APPL2: variants seen among roughly 807,000 people sequenced by gnomAD.
The protein encoded by APPL2 is adaptor protein, phosphotyrosine interacting with PH domain and leucine zipper 2.
A neutral mutation model predicts 92.7 loss-of-function variants in APPL2; 84 were observed. The observed-to-expected ratio is 0.91, with a 90% CI of 0.76 to 1.09. APPL2 has a LOEUF of 1.09. Among genes scored for constraint, APPL2 ranks in the 50% least tolerant of loss-of-function variants. The pLI is 0.00. For synonymous variants in APPL2, 291 were observed against 291.0 expected (o/e 1.00, Z 0.00); for missense variants, 736 against 824.5 (o/e 0.89, Z 1.31).
chr12:105,222,012 C>G (rs1890139022), intron 2 of APPL2, among the ~76,000 whole-genome samples: 1 of 152,190 alleles, frequency 6.6e-6, no homozygotes, highest in African/African-American at 2.4e-5. Context: ...TCTATACCAA[C>G]TATTTGGCTG....
At chr12:105,176,635 A>G (rs1885569919) in intron 19 of APPL2, among the ~76,000 whole-genome samples, 1 of 152,180 alleles carries the variant, frequency 6.6e-6, no homozygotes, top group African/African-American at 2.4e-5. Flanking sequence ...CGACTAAATA[A>G]TATGTCTTGC....
rs762607854 is a variant in APPL2 at position 105,195,214 on chromosome 12, A to C, written c.1241+47T>G. 3.2e-6 allele frequency: 5 copies of C among 1,563,100 alleles called. No individual in the cohort carries two copies. In the South Asian group the frequency reaches 5.6e-5, roughly 17 times the overall value. The stretch of plus-strand genomic sequence containing the variant: ...AACAACTCATTTCGTATTCCTAATC[A>C]ATAATTTGGCTCCACAAAAGCTAGT... On this transcript the variant is annotated intron_variant, in intron 14 of 20. Transcript: ENST00000258530.
intron 17 of APPL2, among the ~76,000 whole-genome samples, chr12:105,181,248 G>A (rs542529820): frequency 1.3e-5 from 2 of 152,270 alleles, no homozygotes; most frequent in Non-Finnish European, 2.9e-5. Context: ...TTCTGTTTAC[G>A]TGATGGATTA....
intron 17 of APPL2, 55 bp from the exon 18 acceptor site, chr12:105,177,317 T>C (rs1485761715): frequency 7.1e-6 from 11 of 1,548,892 alleles, no homozygotes; most frequent in Non-Finnish European, 9.8e-6. Context: ...TTAATATTCC[T>C]AGAAGAGTTT....
intron 1 of APPL2, among the ~76,000 whole-genome samples, chr12:105,234,542 T>A (rs1891118223): frequency 6.6e-6 from 1 of 152,206 alleles, no homozygotes; most frequent in Non-Finnish European, 1.5e-5. Flanking sequence ...GAGGACAACA[T>A]CAAGAATCAG....
At chr12:105,212,694 C>T (rs1889325007) in intron 4 of APPL2, among the ~76,000 whole-genome samples, 1 of 152,224 alleles carries the variant, frequency 6.6e-6, no homozygotes, top group African/African-American at 2.4e-5. Context: ...GGAAATCACC[C>T]AGCAATCACT....
chr12:105,204,991 G>A (rs1888578998), intron 8 of APPL2, among the ~76,000 whole-genome samples: 1 of 152,232 alleles, frequency 6.6e-6, no homozygotes, highest in African/African-American at 2.4e-5. Context: ...TTCAAGGGCT[G>A]GAGAAGGCAG....
At position 105,236,008 on chromosome 12, in the gene APPL2, G is replaced by A. The variant is rs1482398711; in HGVS notation, c.5C>T (p.Pro2Leu). 3.2e-6 allele frequency: 4 copies of A among 1,249,712 alleles called. No individual in the cohort carries two copies. In the African/African-American group the frequency reaches 6.2e-5, roughly 19 times the overall value. The allele number at this position is 1,249,712 out of a possible 1,614,324, so 77.4% of individuals were successfully genotyped here. A position where few individuals can be genotyped will look rare whatever the true frequency, so the allele number is the denominator to read the frequency against. The part of the protein sequence containing the change: M[P>L]AVDKLLLEEA... ...CTCTAGCAGGAGCTTGTCCACGGCGGGCATGGTGCGGCGCGGCTCAGCCGA... is the reference window on the plus strand; with the variant it reads ...CTCTAGCAGGAGCTTGTCCACGGCGAGCATGGTGCGGCGCGGCTCAGCCGA... Residue 2 changes from proline (P) to leucine (L), a missense_variant, in exon 1 of 21, where the codon CCC (proline) becomes CTC (leucine). Physicochemically the swap from Pro to Leu is moderately conservative, Grantham distance 98. Coordinates refer to ENST00000258530, the MANE Select transcript of APPL2 (RefSeq NM_018171.5).
intron 17 of APPL2, 28 bp downstream of exon 17, chr12:105,188,245 G>C (rs779226550): frequency 8.7e-6 from 14 of 1,610,806 alleles, no homozygotes; most frequent in East Asian, 2.2e-5. Context: ...GAAGCCATAA[G>C]AAAGTCTGAA....
intron 17 of APPL2, among the ~76,000 whole-genome samples, chr12:105,185,417 G>A (rs144168804): frequency 8.5e-5 from 13 of 152,250 alleles, no homozygotes; most frequent in East Asian, 5.8e-4. Flanking sequence ...CCTGGTCTGC[G>A]GGCTGCAAAG....
intron 11 of APPL2, among the ~76,000 whole-genome samples, chr12:105,195,956 G>A (rs1887603780): frequency 6.6e-6 from 1 of 151,718 alleles, no homozygotes; most frequent in Non-Finnish European, 1.5e-5. Context: ...TAGAGAGGCT[G>A]AAGTGGGAGG....
intron 1 of APPL2, among the ~76,000 whole-genome samples, chr12:105,230,178 C>T (rs941232383): frequency 6.6e-6 from 1 of 152,198 alleles, no homozygotes; most frequent in Non-Finnish European, 1.5e-5. Flanking sequence ...GGACATAAAA[C>T]TCAAATAGCA....
At chr12:105,199,820 GTTTT>G (rs900201536) in intron 9 of APPL2, among the ~76,000 whole-genome samples, 43 of 151,714 alleles carry the variant, frequency 2.8e-4, no homozygotes, top group African/African-American at 8.9e-4. Flanking sequence ...TTTTTTTGTT[GTTTT>G]TATTTTTTTT....
At chr12:105,224,205 G>C (rs1386542147) in intron 2 of APPL2, among the ~76,000 whole-genome samples, 1 of 152,174 alleles carries the variant, frequency 6.6e-6, no homozygotes, top group Non-Finnish European at 1.5e-5. Flanking sequence ...CCGACCTTAA[G>C]CTACATATGC....
chr12:105,222,373 A>T (rs796071194), intron 2 of APPL2, among the ~76,000 whole-genome samples: 1 of 152,164 alleles, frequency 6.6e-6, no homozygotes, highest in South Asian at 2.1e-4. Flanking sequence ...AGAAGCTGAG[A>T]TAAACAAGTG....
intron 4 of APPL2, among the ~76,000 whole-genome samples, chr12:105,215,018 C>T (rs1203873913): frequency 2.0e-5 from 3 of 152,182 alleles, no homozygotes; most frequent in Non-Finnish European, 4.4e-5. Flanking sequence ...CTGTACCTTG[C>T]CCTATGTATC....
At position 105,217,101 on chromosome 12, in the gene APPL2, T is replaced by C. The variant is rs528912301; in HGVS notation, c.253A>G (p.Thr85Ala). 78 of 1,611,122 alleles carry C rather than the reference T, an allele frequency of 4.8e-5. 1 individual carries two copies. The Middle Eastern group carries it at 5.0e-4, about 10-fold the overall frequency. The part of the protein sequence containing the change: ...LGKGDEEVIS[T>A]LHYFSKVVDE... Reference sequence around the variant, plus strand: ...ACCACTTTGGAAAAATAGTGGAGTGTTGAAATTACTTCTTCATCACCTTTG... The same window carrying C: ...ACCACTTTGGAAAAATAGTGGAGTGCTGAAATTACTTCTTCATCACCTTTG... Residue 85 changes from threonine (T) to alanine (A), a missense_variant, in exon 4 of 21, where the codon ACA (threonine) becomes GCA (alanine). Transcript: ENST00000258530.
At position 105,174,398 on chromosome 12, in the gene APPL2, G is replaced by A. The variant is rs935240; in HGVS notation, c.1911C>T (p.Asp637=). The A allele has an allele frequency of 0.85, 1,365,142 of 1,613,534 alleles. 579,766 individuals carry two copies. The highest frequency in any genetic ancestry group is 1 in the East Asian group (44,833 of 44,868). Residue 637 remains aspartate (D), a synonymous_variant, in exon 21 of 21, where the codon GAC becomes GAT. Transcript: ENST00000258530. Reference sequence around the variant, plus strand: ...GATCGTTTAACAGTACATATTTTCCGTCATTGGTTAGTGGTATGGACAGCA... The same window carrying A: ...GATCGTTTAACAGTACATATTTTCCATCATTGGTTAGTGGTATGGACAGCA... ...QLMLSIPLTN[D]GKYVLLNDQP...
intron 2 of APPL2, among the ~76,000 whole-genome samples, chr12:105,227,498 C>A (rs985108379): frequency 8.5e-5 from 13 of 152,348 alleles, no homozygotes; most frequent in Non-Finnish European, 1.5e-5. Context: ...CACACACACT[C>A]ATACGCACCC....
Sources: allele counts gnomAD v4.1 joint callset (sites outside exome capture counted in the v4.1 genomes callset), GRCh38; gene constraint gnomAD v4.1.1; transcripts MANE v1.5; gene names NCBI Gene and HGNC (gene_info 2026-07-23, HGNC 2026-07-21).